BMPER: variants seen among roughly 807,000 people sequenced by gnomAD.
BMPER encodes the protein BMP-binding endothelial regulator protein.
BMPER carries 45 observed loss-of-function variants against 87.3 expected under a neutral mutation model. That is an observed-to-expected ratio of 0.52 (90% CI 0.41 to 0.66). The LOEUF (loss-of-function observed/expected upper bound fraction) is 0.66, where lower values mean the gene tolerates loss of function less well. Among genes scored for constraint, BMPER ranks in the 30% least tolerant of loss-of-function variants. BMPER has a pLI of 0.00. For missense variants in BMPER, 784 were observed against 867.5 expected, an observed-to-expected ratio of 0.90 and a Z score of 1.21; for synonymous variants, 326 against 316.2, an observed-to-expected ratio of 1.03 and a Z score of -0.33.
chr7:33,996,921 T>C (rs773447385), intron 6 of BMPER, among the ~76,000 whole-genome samples: 1 of 152,214 alleles, frequency 6.6e-6, no homozygotes, highest in Admixed American at 6.5e-5. Context: ...AGCATTCTTA[T>C]TTCAGGCTAA....
At chr7:33,934,416 A>G (rs144064632) in intron 2 of BMPER, among the ~76,000 whole-genome samples, 1 of 151,786 alleles carries the variant, frequency 6.6e-6, no homozygotes, top group East Asian at 1.9e-4. Context: ...TTCTGTACCA[A>G]TGTGACCGTT....
intron 13 of BMPER, among the ~76,000 whole-genome samples, chr7:34,105,809 G>A (rs1027515099): frequency 6.6e-6 from 1 of 152,208 alleles, no homozygotes; most frequent in Non-Finnish European, 1.5e-5. Context: ...AGTTGGAGGA[G>A]CATTGAAACA....
At chr7:34,024,900 G>A (rs1355303663) in intron 6 of BMPER, among the ~76,000 whole-genome samples, 1 of 152,026 alleles carries the variant, frequency 6.6e-6, no homozygotes, top group Non-Finnish European at 1.5e-5. Context: ...TAATTCTGAT[G>A]CAGGTGCCCA....
intron 11 of BMPER, among the ~76,000 whole-genome samples, 167 bp downstream of exon 11, chr7:34,062,214 C>A (rs917504570): frequency 4.6e-5 from 7 of 152,066 alleles, no homozygotes; most frequent in African/African-American, 1.7e-4. Context: ...GTAATTCTCC[C>A]ACAGAAGTAC....
chr7:34,117,954 T>C (rs1213961397), intron 13 of BMPER, among the ~76,000 whole-genome samples: 1 of 152,228 alleles, frequency 6.6e-6, no homozygotes, highest in Admixed American at 6.5e-5. Flanking sequence ...TGAATACATT[T>C]CTTTGTTGTG....
intron 9 of BMPER, among the ~76,000 whole-genome samples, chr7:34,057,593 C>T (rs1788317835): frequency 6.6e-6 from 1 of 152,138 alleles, no homozygotes; most frequent in African/African-American, 2.4e-5. Flanking sequence ...TGGGCCAGAA[C>T]CATGGCACAT....
chr7:33,979,465 C>T (rs547696916), intron 6 of BMPER, among the ~76,000 whole-genome samples: 1 of 152,100 alleles, frequency 6.6e-6, no homozygotes, highest in Admixed American at 6.5e-5. Flanking sequence ...TTCCCTCCCT[C>T]CTCCTCTGTG....
chr7:34,152,154 A>G (rs2127997104), intron 14 of BMPER, among the ~76,000 whole-genome samples: 1 of 152,334 alleles, frequency 6.6e-6, no homozygotes, highest in Non-Finnish European at 1.5e-5. Flanking sequence ...TAAACAATAG[A>G]GGCATTGAAG....
intron 6 of BMPER, among the ~76,000 whole-genome samples, chr7:34,002,787 T>C (rs998260744): frequency 2.0e-5 from 3 of 151,824 alleles, no homozygotes; most frequent in African/African-American, 7.2e-5. Context: ...CAACAATTTT[T>C]GTCTTAAAGA....
At chr7:33,983,226 C>T (rs1230409608) in intron 6 of BMPER, among the ~76,000 whole-genome samples, 6 of 152,022 alleles carry the variant, frequency 3.9e-5, no homozygotes, top group Admixed American at 6.6e-5. Flanking sequence ...AATTTTAACC[C>T]TCATGTATGT....
chr7:34,044,420 C>G (rs979169792), intron 6 of BMPER, among the ~76,000 whole-genome samples: 3 of 152,184 alleles, frequency 2.0e-5, no homozygotes, highest in African/African-American at 7.2e-5. Context: ...AGTACATAGG[C>G]AACCTTGTGT....
At chr7:34,139,044 C>T (rs1344280516) in intron 13 of BMPER, among the ~76,000 whole-genome samples, 2 of 152,224 alleles carry the variant, frequency 1.3e-5, no homozygotes, top group Non-Finnish European at 2.9e-5. Context: ...TTAGATTTTC[C>T]TCACACTGAA....
intron 2 of BMPER, among the ~76,000 whole-genome samples, chr7:33,912,336 G>A (rs1408100565): frequency 6.6e-6 from 1 of 152,130 alleles, no homozygotes; most frequent in Non-Finnish European, 1.5e-5. Flanking sequence ...CCTTGTGGAA[G>A]GCTCTCGACC....
chr7:34,148,055 G>A (rs913153157), intron 14 of BMPER, among the ~76,000 whole-genome samples: 4 of 152,046 alleles, frequency 2.6e-5, no homozygotes, highest in African/African-American at 9.7e-5. Flanking sequence ...CTCTGATCCT[G>A]GCTTACTTCT....
intron 13 of BMPER, among the ~76,000 whole-genome samples, chr7:34,095,913 C>A (rs1017364633): frequency 4.6e-5 from 7 of 151,636 alleles, no homozygotes; most frequent in Non-Finnish European, 8.8e-5. Context: ...AAGGATCTAA[C>A]GCTTCTGAAT....
At chr7:34,008,090 T>C (rs1786783850) in intron 6 of BMPER, among the ~76,000 whole-genome samples, 1 of 152,040 alleles carries the variant, frequency 6.6e-6, no homozygotes, top group Non-Finnish European at 1.5e-5. Context: ...ATTTATCAAA[T>C]TTAAGAAGAA....
intron 13 of BMPER, among the ~76,000 whole-genome samples, chr7:34,129,630 G>GAGAAAGAGAGAAAGAGAGAA (rs1790515715): frequency 1.8e-5 from 1 of 56,308 alleles, no homozygotes; most frequent in Admixed American, 2.0e-4. Context: ...GAGAGAAAGA[G>GAGAAAGAGAGAAAGAGAGAA]AGAAAGAAAG....
At chr7:33,913,605 G>A (rs781668479) in intron 2 of BMPER, among the ~76,000 whole-genome samples, 3 of 152,092 alleles carry the variant, frequency 2.0e-5, no homozygotes, top group East Asian at 1.9e-4. Flanking sequence ...CTACATTCCA[G>A]TTCTAGAGTA....
intron 13 of BMPER, among the ~76,000 whole-genome samples, chr7:34,092,070 T>C (rs1789399676): frequency 6.6e-6 from 1 of 152,180 alleles, no homozygotes. Context: ...TTGTGACTTT[T>C]GCTGTCCCCA....
Sources: gnomAD v4.1 joint callset for allele counts (sites outside exome capture counted in the v4.1 genomes callset) on GRCh38, gnomAD v4.1.1 for gene constraint, MANE v1.5 for transcripts, NCBI Gene and HGNC (gene_info 2026-07-23, HGNC 2026-07-21) for gene names.